The following FHIT variants were observed in gnomAD, a reference collection of about 807,000 sequenced individuals.
The protein encoded by FHIT is bis(5'-adenosyl)-triphosphatase.
FHIT carries 19 observed loss-of-function variants against 17.9 expected under a neutral mutation model. The ratio of observed to expected loss-of-function variants is 1.06; its 90% CI spans 0.74 to 1.56. The LOEUF (loss-of-function observed/expected upper bound fraction) is 1.56. FHIT is among the 40% of genes most tolerant of loss of function. FHIT has a pLI of 0.00. For missense variants in FHIT, 248 were observed against 189.2 expected (o/e 1.31, Z -1.82); for synonymous variants, 81 against 69.7 (o/e 1.16, Z -0.81).
At chr3:60,241,647 AG>A (rs1705134506) in intron 5 of FHIT, among the ~76,000 whole-genome samples, 1 of 152,102 alleles carries the variant, frequency 6.6e-6, no homozygotes, top group South Asian at 2.1e-4. Context: ...CTGAAATGTC[AG>A]GGAATTGCCT....
At chr3:60,860,001 G>C (rs1553750945) in intron 3 of FHIT, among the ~76,000 whole-genome samples, 1 of 98,342 alleles carries the variant, frequency 1.0e-5, no homozygotes, top group Admixed American at 9.8e-5. Flanking sequence ...CCGAGATTGT[G>C]CCATTGCACT....
intron 5 of FHIT, among the ~76,000 whole-genome samples, chr3:60,350,503 T>C (rs1326271888): frequency 1.3e-5 from 2 of 152,158 alleles, no homozygotes; most frequent in Non-Finnish European, 2.9e-5. Context: ...AAAACCATTA[T>C]GTAGAACAAA....
intron 5 of FHIT, among the ~76,000 whole-genome samples, chr3:60,061,011 A>T (rs950172798): frequency 6.6e-6 from 1 of 152,190 alleles, no homozygotes; most frequent in African/African-American, 2.4e-5. Flanking sequence ...AGTGGTGGAA[A>T]TCAAGCAAGG....
At chr3:60,987,584 C>G (rs559510716) in intron 3 of FHIT, among the ~76,000 whole-genome samples, 1 of 152,194 alleles carries the variant, frequency 6.6e-6, no homozygotes, top group African/African-American at 2.4e-5. Flanking sequence ...GTTTGGGGCT[C>G]TCAGCTCTGA....
intron 4 of FHIT, among the ~76,000 whole-genome samples, chr3:60,567,324 A>G (rs2037175529): frequency 6.6e-6 from 1 of 151,614 alleles, no homozygotes; most frequent in South Asian, 2.1e-4. Context: ...CAACCATCTG[A>G]TCTTTGACAA....
intron 5 of FHIT, among the ~76,000 whole-genome samples, chr3:60,206,026 G>C (rs958281049): frequency 1.9e-4 from 29 of 150,860 alleles, no homozygotes; most frequent in African/African-American, 6.6e-4. Context: ...CCAGCTACTG[G>C]GAAGGCTGAG....
intron 5 of FHIT, among the ~76,000 whole-genome samples, chr3:60,038,045 A>G (rs1199641621): frequency 6.6e-6 from 1 of 152,160 alleles, no homozygotes; most frequent in Non-Finnish European, 1.5e-5. Flanking sequence ...GAATAAATAA[A>G]CACCCAAACA....
chr3:61,031,154 T>A (rs1477988221), intron 3 of FHIT, among the ~76,000 whole-genome samples: 1 of 152,254 alleles, frequency 6.6e-6, no homozygotes, highest in African/African-American at 2.4e-5. Flanking sequence ...TTCAAGGTCA[T>A]GTTCAGATGT....
intron 5 of FHIT, among the ~76,000 whole-genome samples, chr3:60,340,993 T>C (rs1710488612): frequency 6.6e-6 from 1 of 152,124 alleles, no homozygotes; most frequent in Non-Finnish European, 1.5e-5. Context: ...CCGGCCTATA[T>C]GAGAATTTTT....
At chr3:60,698,772 T>C (rs1553701293) in intron 4 of FHIT, among the ~76,000 whole-genome samples, 2 of 152,226 alleles carry the variant, frequency 1.3e-5, no homozygotes, top group Non-Finnish European at 2.9e-5. Flanking sequence ...TTTGGTCCTT[T>C]GTGTGCTTTT....
chr3:59,869,798 TTTTAAAATACCATTTAA>T (rs574486548), intron 8 of FHIT, among the ~76,000 whole-genome samples: 36 of 152,168 alleles, frequency 2.4e-4, no homozygotes, highest in African/African-American at 8.7e-4. Context: ...GGATACCCAT[TTTTAAAATACCATTTAA>T]TTTAAAGTTA....
chr3:60,211,168 G>C (rs1703435385), intron 5 of FHIT, among the ~76,000 whole-genome samples: 1 of 149,976 alleles, frequency 6.7e-6, no homozygotes, highest in African/African-American at 2.4e-5. Context: ...TTTTTCTAAA[G>C]AACGAAAGAA....
At chr3:61,160,723 T>C (rs1373501228) in intron 2 of FHIT, among the ~76,000 whole-genome samples, 1 of 152,236 alleles carries the variant, frequency 6.6e-6, no homozygotes, top group Non-Finnish European at 1.5e-5. Context: ...AGGATAGCCA[T>C]GAAACAAGTG....
chr3:60,258,302 T>G (rs1415535955), intron 5 of FHIT, among the ~76,000 whole-genome samples: 4 of 152,090 alleles, frequency 2.6e-5, no homozygotes, highest in Non-Finnish European at 5.9e-5. Context: ...AATTAAGAAA[T>G]CTTCAATCCT....
At chr3:60,849,688 T>C (rs191734976) in intron 3 of FHIT, among the ~76,000 whole-genome samples, 1 of 151,950 alleles carries the variant, frequency 6.6e-6, no homozygotes, top group South Asian at 2.1e-4. Flanking sequence ...TTTCTGCCAT[T>C]TACCTGTTGG....
chr3:59,893,074 G>C (rs1415187625), intron 8 of FHIT, among the ~76,000 whole-genome samples: 3 of 152,158 alleles, frequency 2.0e-5, no homozygotes, highest in Non-Finnish European at 2.9e-5. Context: ...AGTTGTGTTG[G>C]TCAGTGAACA....
intron 5 of FHIT, among the ~76,000 whole-genome samples, chr3:60,169,701 A>T (rs960103661): frequency 1.3e-5 from 2 of 152,188 alleles, no homozygotes; most frequent in Non-Finnish European, 2.9e-5. Context: ...CATCTTCAGG[A>T]GACAAAAAGT....
intron 8 of FHIT, among the ~76,000 whole-genome samples, chr3:59,899,628 G>A (rs1251526368): frequency 2.0e-5 from 3 of 151,848 alleles, no homozygotes; most frequent in Admixed American, 2.0e-4. Context: ...GAGCTCAGGA[G>A]TTCGAGACCA....
chr3:60,173,567 T>C (rs537376047), intron 5 of FHIT, among the ~76,000 whole-genome samples: 1 of 151,990 alleles, frequency 6.6e-6, no homozygotes, highest in East Asian at 1.9e-4. Context: ...GGACACAGGA[T>C]GACAAATGGG....
Sources: allele counts gnomAD v4.1 joint callset (sites outside exome capture counted in the v4.1 genomes callset), GRCh38; gene constraint gnomAD v4.1.1; transcripts MANE v1.5; gene names NCBI Gene and HGNC (gene_info 2026-07-23, HGNC 2026-07-21).